DDX55: variants seen among roughly 807,000 people sequenced by gnomAD.
DDX55 encodes DEAD-box helicase 55.
Under a neutral mutation model 69.2 loss-of-function variants are expected in DDX55, and 56 were observed. That is an observed-to-expected ratio of 0.81 (90% confidence interval 0.65 to 1.01). The LOEUF is 1.01. DDX55 is among the 50% of genes least tolerant of loss of function. DDX55 has a pLI of 0.00. For missense variants in DDX55, 720 were observed against 745.1 expected (o/e 0.97, Z 0.39); for synonymous variants, 268 against 273.1 (o/e 0.98, Z 0.18).
At chr12:123,602,982 GGAGA>G (rs1455699688) in intron 1 of DDX55, among the ~76,000 whole-genome samples, 2 of 152,174 alleles carry the variant, frequency 1.3e-5, no homozygotes, top group Non-Finnish European at 2.9e-5. Context: ...TTATTCCACT[GGAGA>G]GAAATACCAG....
intron 7 of DDX55, among the ~76,000 whole-genome samples, chr12:123,611,943 T>TG (rs1255669267): frequency 6.6e-6 from 1 of 152,206 alleles, no homozygotes; most frequent in Non-Finnish European, 1.5e-5. Flanking sequence ...ACTTGTCAAA[T>TG]GGGGGCCACA....
chr12:123,602,919 G>A (rs1213004294), intron 1 of DDX55, among the ~76,000 whole-genome samples: 1 of 152,192 alleles, frequency 6.6e-6, no homozygotes, highest in East Asian at 1.9e-4. Flanking sequence ...GGTGCATTGA[G>A]CTGAGACCTC....
chr12:123,615,294 A>G lies in DDX55; in HGVS notation c.934A>G (p.Met312Val), dbSNP rs773135451. ...KMKYKRNKIF[M>V]EFRKLQSGIL... Reference sequence around the variant, plus strand: ...GAAATATAAACGCAATAAGATCTTCATGGAGTTCCGCAAATTGCAAAGGTG... The same window carrying G: ...GAAATATAAACGCAATAAGATCTTCGTGGAGTTCCGCAAATTGCAAAGGTG... Residue 312 changes from methionine (M) to valine (V), a missense_variant, in exon 9 of 14, where the codon ATG (methionine) becomes GTG (valine). Met to Val is a conservative substitution (Grantham distance 21). Transcript: ENST00000238146. 24 of 1,613,878 alleles carry G rather than the reference A, an allele frequency of 1.5e-5. No individual in the cohort carries two copies. The South Asian group carries it at 2.1e-4, about 14-fold the overall frequency.
At chr12:123,612,338 A>G (rs1372667363) in intron 7 of DDX55, among the ~76,000 whole-genome samples, 4 of 152,204 alleles carry the variant, frequency 2.6e-5, no homozygotes, top group Non-Finnish European at 5.9e-5. Flanking sequence ...TTCGTTTTGC[A>G]TTTAGAGATG....
intron 10 of DDX55, 137 bp downstream of exon 10, chr12:123,616,740 G>A: frequency 1.1e-6 from 1 of 886,760 alleles, no homozygotes; most frequent in Non-Finnish European, 1.8e-6. Context: ...GGTCTGCAGT[G>A]ACCCCGTGGA....
At chr12:123,618,959 A>T in intron 12 of DDX55, 122 bp downstream of exon 12, 1 of 1,362,654 alleles carries the variant, frequency 7.3e-7, no homozygotes, top group Non-Finnish European at 9.9e-7. Flanking sequence ...CACAGAATAA[A>T]CTGGCCACTG....
intron 5 of DDX55, chr12:123,607,871 C>G: frequency 1.5e-6 from 1 of 646,044 alleles, no homozygotes; most frequent in African/African-American, 1.8e-5. Context: ...CAGGTTCTTA[C>G]AGAGGTCAAG....
At position 123,607,509 on chromosome 12, in the gene DDX55, C is replaced by G; in HGVS notation, c.324C>G (p.His108Gln). The change falls in exon 4 of 14, where the codon CAC (histidine) becomes CAG (glutamine). Residue 108 changes from histidine to glutamine, a missense_variant. By Grantham distance (24) the His-to-Gln change is conservative. Coordinates refer to ENST00000238146, the MANE Select transcript of DDX55 (RefSeq NM_020936.3). Reference sequence around the variant, plus strand: ...AGGTCCTGTCGCATTTCACGAAGCACTTCCCCGAGTTCAGGTGAATTGGAT... The same window carrying G: ...AGGTCCTGTCGCATTTCACGAAGCAGTTCCCCGAGTTCAGGTGAATTGGAT... ...IDEVLSHFTKHFPEFSQILWI... is the reference protein window; with the variant it reads ...IDEVLSHFTKQFPEFSQILWI... 2 of 1,614,194 alleles carry G rather than the reference C, an allele frequency of 1.2e-6. No individual in the cohort carries two copies. The highest frequency in any genetic ancestry group is 1.7e-6 in the Non-Finnish European group (2 of 1,180,030).
chr12:123,606,159 G>C lies in DDX55; in HGVS notation c.246G>C (p.Gln82His). Reference sequence around the variant, plus strand: ...GAGAAGAGAAGTTAAAAAAGAGTCAGGTGAGGACAACAAAAGTGATTTATT... The same window carrying C: ...GAGAAGAGAAGTTAAAAAAGAGTCACGTGAGGACAACAAAAGTGATTTATT... The part of the protein sequence containing the change: ...LRREEKLKKS[Q>H]VGAIIITPTR... Residue 82 changes from glutamine (Q) to histidine (H), a missense_variant and splice_region_variant, in exon 3 of 14, where the codon CAG (glutamine) becomes CAC (histidine). Coordinates refer to ENST00000238146, the MANE Select transcript of DDX55 (RefSeq NM_020936.3). 1 of 1,614,008 alleles carries C rather than the reference G, an allele frequency of 6.2e-7. No homozygotes were observed. Among genetic ancestry groups the C allele is most frequent in the Non-Finnish European group, 8.5e-7 (1 of 1,179,998 alleles).
chr12:123,606,733 G>T (rs982138455), intron 3 of DDX55, among the ~76,000 whole-genome samples: 2 of 152,056 alleles, frequency 1.3e-5, no homozygotes, highest in African/African-American at 2.4e-5. Context: ...TGGGACTACA[G>T]GTGTGGACCA....
At chr12:123,618,400 C>T (rs746424736) in intron 11 of DDX55, 3 of 916,108 alleles carry the variant, frequency 3.3e-6, no homozygotes, top group Non-Finnish European at 5.1e-6. Context: ...GGGACCCAGG[C>T]AAGGGTTACT....
chr12:123,606,031 AAC>A (rs778405409), intron 2 of DDX55, 40 bp from the exon 3 acceptor site: 20 of 1,597,530 alleles, frequency 1.3e-5, no homozygotes, highest in Non-Finnish European at 1.6e-5. Flanking sequence ...CCCTCAGATG[AAC>A]TCTGAGGAAG....
chr12:123,602,163 A>G lies in DDX55; in HGVS notation c.15A>G (p.Thr5=). 1 of 1,559,100 alleles carries G rather than the reference A, an allele frequency of 6.4e-7. No individual in the cohort carries two copies. The highest frequency in any genetic ancestry group is 8.7e-7 in the Non-Finnish European group (1 of 1,153,694). ...AGGAGCGCGCCATGGAGCATGTGAC[A>G]GAGGGCTCCTGGGAGTCGCTGCCTG... The part of the protein sequence containing the change: MEHV[T]EGSWESLPVP... The change falls in exon 1 of 14, where the codon ACA becomes ACG. Residue 5 remains threonine (T), a synonymous_variant. Coordinates refer to ENST00000238146, the MANE Select transcript of DDX55 (RefSeq NM_020936.3).
At chr12:123,610,605 CTTTTTT>C (rs35576014) in intron 7 of DDX55, among the ~76,000 whole-genome samples, 5 of 90,042 alleles carry the variant, frequency 5.6e-5, no homozygotes, top group African/African-American at 1.7e-4. Context: ...TGCTGAGTTT[CTTTTTT>C]TTTTTTTTTT....
intron 6 of DDX55, among the ~76,000 whole-genome samples, chr12:123,609,196 C>T (rs1954064433): frequency 6.6e-6 from 1 of 152,070 alleles, no homozygotes; most frequent in African/African-American, 2.4e-5. Context: ...AAGTGATCCT[C>T]CTACCTAGGG....
intron 11 of DDX55, chr12:123,618,342 C>G (rs7139162): frequency 0.28 from 171,568 of 611,332 alleles, 26,665 homozygotes; most frequent in African/African-American, 0.48. Context: ...TGTGGAGGCA[C>G]CTCGGTCATG....
chr12:123,604,116 T>C (rs1329067161), intron 1 of DDX55, among the ~76,000 whole-genome samples: 1 of 152,132 alleles, frequency 6.6e-6, no homozygotes, highest in Non-Finnish European at 1.5e-5. Context: ...GTCCTGTTTT[T>C]AAACACTGAG....
intron 8 of DDX55, 65 bp downstream of exon 8, chr12:123,613,317 C>A: frequency 6.5e-7 from 1 of 1,530,622 alleles, no homozygotes; most frequent in Non-Finnish European, 9.0e-7. Flanking sequence ...GTGCATGCGG[C>A]CTTTGGGTTT....
At chr12:123,608,618 T>C (rs923333082) in intron 5 of DDX55, 62 bp from the exon 6 acceptor site, 3 of 1,582,012 alleles carry the variant, frequency 1.9e-6, no homozygotes, top group Non-Finnish European at 2.6e-6. Context: ...GGTATTTTGG[T>C]AATCATCAAC....
Sources: allele counts gnomAD v4.1 joint callset (sites outside exome capture counted in the v4.1 genomes callset), GRCh38; gene constraint gnomAD v4.1.1; transcripts MANE v1.5; gene names NCBI Gene and HGNC (gene_info 2026-07-23, HGNC 2026-07-21).